CDK17: variants seen among roughly 807,000 people sequenced by gnomAD.
CDK17 encodes cyclin-dependent kinase 17.
A neutral mutation model predicts 77.6 loss-of-function variants in CDK17; 24 were observed. The ratio of observed to expected loss-of-function variants is 0.31; its 90% CI spans 0.22 to 0.44. The LOEUF (loss-of-function observed/expected upper bound fraction) is 0.44, where lower values mean the gene tolerates loss of function less well. Ranked by LOEUF, CDK17 falls within the 20% of genes least tolerant of loss-of-function variation. The pLI is 1.00. For missense variants in CDK17, 429 were observed against 622.5 expected (o/e 0.69, Z 3.31); for synonymous variants, 203 against 210.4 (o/e 0.96, Z 0.30).
In CDK17 at chr12:96,294,992, TC is replaced by T; in HGVS notation, c.997+6del. Reference sequence around the variant, plus strand: ...AAGTACTAATAAATATCTCATACATTCCATACCAAAATCTGCTAGCTTTAAT... The same window carrying T: ...AAGTACTAATAAATATCTCATACATTCATACCAAAATCTGCTAGCTTTAAT... On this transcript the variant is annotated splice_donor_region_variant and intron_variant, in intron 10 of 16. Transcript: ENST00000261211. 1 of 1,606,340 alleles carries T rather than the reference TC, an allele frequency of 6.2e-7. No individual in the cohort carries two copies. The highest frequency in any genetic ancestry group is 1.1e-5 in the South Asian group (1 of 89,618).
At chr12:96,291,206 G>A (rs1199845321) in intron 10 of CDK17, among the ~76,000 whole-genome samples, 1 of 152,016 alleles carries the variant, frequency 6.6e-6, no homozygotes, top group Non-Finnish European at 1.5e-5. Context: ...GTTGCCTTGT[G>A]GGTAAAATTT....
chr12:96,398,550 G>A (rs749671437), intron 1 of CDK17, among the ~76,000 whole-genome samples: 1 of 152,180 alleles, frequency 6.6e-6, no homozygotes, highest in Non-Finnish European at 1.5e-5. Context: ...CAAGAGTTAA[G>A]AAAGTAAGTC....
intron 1 of CDK17, among the ~76,000 whole-genome samples, chr12:96,336,034 C>T (rs1321402534): frequency 6.6e-6 from 1 of 152,072 alleles, no homozygotes; most frequent in Non-Finnish European, 1.5e-5. Context: ...TTCTAAGTAA[C>T]TGAGTTTACT....
At chr12:96,395,650 C>T (rs1954156731) in intron 1 of CDK17, among the ~76,000 whole-genome samples, 1 of 152,136 alleles carries the variant, frequency 6.6e-6, no homozygotes, top group Non-Finnish European at 1.5e-5. Flanking sequence ...CCCCAAAATT[C>T]ACATGTTGAA....
intron 1 of CDK17, among the ~76,000 whole-genome samples, chr12:96,367,362 A>G (rs939948358): frequency 5.3e-5 from 8 of 151,024 alleles, no homozygotes; most frequent in Non-Finnish European, 1.2e-4. Flanking sequence ...AAAAAAAAAA[A>G]AAAAAAAAAG....
intron 1 of CDK17, among the ~76,000 whole-genome samples, chr12:96,350,197 T>A (rs2137170320): frequency 6.6e-6 from 1 of 152,226 alleles, no homozygotes; most frequent in Non-Finnish European, 1.5e-5. Flanking sequence ...ATCCAAATGA[T>A]CTACAGGTTT....
intron 1 of CDK17, among the ~76,000 whole-genome samples, chr12:96,355,687 T>A (rs1278914471): frequency 6.6e-6 from 1 of 152,116 alleles, no homozygotes; most frequent in Non-Finnish European, 1.5e-5. Context: ...ATTACAGGCG[T>A]GAGCCAACGT....
At chr12:96,378,235 T>C (rs2137221728) in intron 1 of CDK17, among the ~76,000 whole-genome samples, 1 of 152,344 alleles carries the variant, frequency 6.6e-6, no homozygotes, top group Non-Finnish European at 1.5e-5. Context: ...CATTTATTTA[T>C]TTAGTCAGTC....
intron 4 of CDK17, among the ~76,000 whole-genome samples, chr12:96,312,806 T>G: frequency 6.6e-6 from 1 of 152,122 alleles, no homozygotes; most frequent in East Asian, 1.9e-4. Context: ...GAGAAATAAA[T>G]GTGCTTCAGA....
chr12:96,356,672 T>A (rs1263438625), intron 1 of CDK17, among the ~76,000 whole-genome samples: 1 of 152,220 alleles, frequency 6.6e-6, no homozygotes, highest in African/African-American at 2.4e-5. Flanking sequence ...CATTACCTCC[T>A]GAGTTCAGTA....
chr12:96,304,738 T>C (rs894514445), intron 5 of CDK17, among the ~76,000 whole-genome samples: 6 of 152,168 alleles, frequency 3.9e-5, no homozygotes, highest in Admixed American at 2.6e-4. Context: ...ATCACCACAA[T>C]ACCACCTTAA....
Position 96,335,345 on chromosome 12 carries a change from C to A in CDK17, c.-29-480G>T, listed in dbSNP as rs1266002762. 3 of 242,360 alleles carry A rather than the reference C, an allele frequency of 1.2e-5. No individual in the cohort carries two copies. In the Admixed American group the frequency reaches 1.6e-4, roughly 13 times the overall value. The allele number at this position is 242,360 out of a possible 1,614,324, so 15.0% of individuals were successfully genotyped here. ...CTCCAACAAGAAATTTTCCTTTTTACGCTCTTACACAGCCAGTACATTAGA... is the reference window on the plus strand; with the variant it reads ...CTCCAACAAGAAATTTTCCTTTTTAAGCTCTTACACAGCCAGTACATTAGA... On this transcript the variant is annotated intron_variant, in intron 1 of 16. Transcript: ENST00000261211.
chr12:96,309,664 A>C (rs549367201), intron 5 of CDK17, among the ~76,000 whole-genome samples: 66 of 152,362 alleles, frequency 4.3e-4, no homozygotes, highest in African/African-American at 1.5e-3. Context: ...GAAGAAAAAC[A>C]GACTTGGGTA....
At chr12:96,387,759 T>C (rs752191426) in intron 1 of CDK17, among the ~76,000 whole-genome samples, 2 of 151,768 alleles carry the variant, frequency 1.3e-5, no homozygotes, top group South Asian at 2.1e-4. Flanking sequence ...CTGGGCAACA[T>C]AGTGAGACCC....
intron 7 of CDK17, among the ~76,000 whole-genome samples, chr12:96,298,445 A>C (rs1394036183): frequency 1.3e-5 from 2 of 152,190 alleles, no homozygotes; most frequent in Non-Finnish European, 2.9e-5. Flanking sequence ...ATTAATTTAG[A>C]TATAAATTAC....
intron 1 of CDK17, among the ~76,000 whole-genome samples, chr12:96,352,382 T>TAG (rs1322599003): frequency 1.3e-5 from 2 of 150,184 alleles, no homozygotes; most frequent in South Asian, 2.1e-4. Flanking sequence ...GAAGTGGGGC[T>TAG]AGAGAGAGAG....
chr12:96,374,943 C>T (rs1032412798), intron 1 of CDK17, among the ~76,000 whole-genome samples: 1 of 152,210 alleles, frequency 6.6e-6, no homozygotes, highest in Non-Finnish European at 1.5e-5. Flanking sequence ...CAGTTCATCT[C>T]AGCACTGCTG....
At chr12:96,317,324 G>A (rs1203537448) in intron 3 of CDK17, among the ~76,000 whole-genome samples, 13 of 127,218 alleles carry the variant, frequency 1.0e-4, no homozygotes, top group African/African-American at 3.5e-4. Flanking sequence ...ACGTCTGATT[G>A]GTGTACCTGA....
At chr12:96,385,912 ATACAT>A (rs1456145478) in intron 1 of CDK17, among the ~76,000 whole-genome samples, 4 of 152,248 alleles carry the variant, frequency 2.6e-5, no homozygotes, top group Non-Finnish European at 5.9e-5. Flanking sequence ...AAAGACAATT[ATACAT>A]AAAATTAAGA....
Sources: allele counts gnomAD v4.1 joint callset (sites outside exome capture counted in the v4.1 genomes callset), GRCh38; gene constraint gnomAD v4.1.1; transcripts MANE v1.5; gene names NCBI Gene and HGNC (gene_info 2026-07-23, HGNC 2026-07-21).